SLC20A2: variants seen among roughly 807,000 people sequenced by gnomAD.
The protein encoded by SLC20A2 is sodium-dependent phosphate transporter 2.
Under a neutral mutation model 61.0 loss-of-function variants are expected in SLC20A2, and 30 were observed. The observed-to-expected ratio is 0.49, with a 90% CI of 0.37 to 0.67. SLC20A2 has a LOEUF of 0.67. SLC20A2 is among the 30% of genes least tolerant of loss of function. The probability of loss-of-function intolerance (pLI) is 0.00; values close to 1 mark genes in which losing one functional copy is unlikely to be tolerated. For synonymous variants in SLC20A2, 351 were observed against 353.3 expected (o/e 0.99, Z 0.07); for missense variants, 626 against 866.4 (o/e 0.72, Z 3.48).
intron 1 of SLC20A2, among the ~76,000 whole-genome samples, chr8:42,483,736 A>T (rs1328385518): frequency 6.6e-6 from 1 of 152,262 alleles, no homozygotes; most frequent in Non-Finnish European, 1.5e-5. Flanking sequence ...ATCGCTTAAC[A>T]TATGAAACTT....
At chr8:42,506,176 G>A (rs3935698), upstream of SLC20A2, among the ~76,000 whole-genome samples, 77,084 of 151,830 alleles carry the variant, frequency 0.51, 19,595 homozygotes, top group African/African-American at 0.54. Flanking sequence ...CCTGACCTCA[G>A]GCATCCATCC....
At chr8:42,528,967 T>TATC (rs1276298070) in intron 1 of SLC20A2, among the ~76,000 whole-genome samples, 14 of 20,298 alleles carry the variant, frequency 6.9e-4, no homozygotes, top group African/African-American at 4.2e-3. Flanking sequence ...GAGCCCGGCC[T>TATC]ATTATTATTA....
At chr8:42,459,539 G>A (rs919568054) in intron 5 of SLC20A2, among the ~76,000 whole-genome samples, 3 of 152,184 alleles carry the variant, frequency 2.0e-5, no homozygotes, top group Non-Finnish European at 4.4e-5. Flanking sequence ...GTAGGCCTGT[G>A]GGATTAGATC....
chr8:42,541,353 G>C lies in SLC20A2; in HGVS notation c.-265+468C>G. ...CCGACCAGCCCTGGCCCCCACCCGC[G>C]GGAGCCCGGGAGTCGGGCCGGGGGC... On this transcript the variant is annotated intron_variant, in intron 1 of 10. Coordinates refer to the SLC20A2 transcript ENST00000342228. The C allele has an allele frequency of 1.4e-5, 2 of 146,730 alleles. 1 individual carries two copies. The highest frequency in any genetic ancestry group is 3.0e-5 in the Non-Finnish European group (2 of 66,520). The allele number at this position is 146,730 out of a possible 1,614,324, so 9.1% of individuals were successfully genotyped here.
intron 1 of SLC20A2, among the ~76,000 whole-genome samples, chr8:42,507,151 G>A (rs1810756578): frequency 1.3e-5 from 2 of 152,218 alleles, no homozygotes; most frequent in Non-Finnish European, 2.9e-5. Flanking sequence ...AGAACTGTGA[G>A]GTACAGAAAG....
chr8:42,437,651 G>C lies in SLC20A2; in HGVS notation c.935-74C>G. ...TCTTTTCTTTTTGAGACGGAGCCTT[G>C]CTCTGTCCTCAGGGTGGAGTACAAT... On this transcript the variant is annotated intron_variant, in intron 7 of 10. Coordinates refer to ENST00000520262, the MANE Select transcript of SLC20A2 (RefSeq NM_001257180.2). The surrounding 1 kb of genome is among the most constrained non-coding windows in gnomAD (Gnocchi z 6.4). The C allele has an allele frequency of 7.8e-7, 1 of 1,279,300 alleles. No homozygotes were observed. The highest frequency in any genetic ancestry group is 2.5e-5 in the East Asian group (1 of 39,462). The allele number at this position is 1,279,300 out of a possible 1,614,324, so 79.2% of individuals were successfully genotyped here.
At chr8:42,483,083 C>A (rs11990867) in intron 1 of SLC20A2, among the ~76,000 whole-genome samples, 12 of 144,754 alleles carry the variant, frequency 8.3e-5, no homozygotes, top group Non-Finnish European at 1.5e-4. Context: ...CAGTGGCTCA[C>A]GCCTGTAATC....
chr8:42,431,678 A>T (rs1485723903), intron 8 of SLC20A2, among the ~76,000 whole-genome samples: 2 of 152,234 alleles, frequency 1.3e-5, no homozygotes, highest in Non-Finnish European at 2.9e-5. Flanking sequence ...AAAGCTTCAA[A>T]GGACAGGCTG....
intron 1 of SLC20A2, among the ~76,000 whole-genome samples, chr8:42,526,871 C>T (rs775662305): frequency 4.6e-5 from 7 of 151,714 alleles, no homozygotes; most frequent in African/African-American, 7.3e-5. Flanking sequence ...TGAGGGGTCA[C>T]GGTGGGTGGA....
At position 42,447,663 on chromosome 8, in the gene SLC20A2, C is replaced by A. The variant is rs1029419253; in HGVS notation, c.614-2901G>T. Among the ~76,000 whole-genome samples, 8 of 151,814 alleles carry A rather than the reference C, an allele frequency of 5.3e-5. 1 individual carries two copies. The highest frequency in any genetic ancestry group is 1.7e-4 in the African/African-American group (7 of 41,318). ...CTGCACTCCAGCCTGGGCGACAGAG[C>A]GAGATTCTATCTCAGAAGAAAAAAA... On this transcript the variant is annotated intron_variant, in intron 5 of 10. Transcript: ENST00000520262.
intron 3 of SLC20A2, among the ~76,000 whole-genome samples, chr8:42,465,089 G>A (rs535153865): frequency 2.0e-5 from 3 of 151,976 alleles, no homozygotes; most frequent in East Asian, 3.9e-4. Flanking sequence ...ACAGAGTCTT[G>A]CTTTGTTGCC....
chr8:42,472,422 T>C lies in SLC20A2; in HGVS notation c.-32A>G. 1 of 1,591,082 alleles carries C rather than the reference T, an allele frequency of 6.3e-7. No individual in the cohort carries two copies. The highest frequency in any genetic ancestry group is 8.6e-7 in the Non-Finnish European group (1 of 1,166,260). On this transcript the variant is annotated 5_prime_UTR_variant, in exon 2 of 11. Transcript: ENST00000520262. The surrounding 1 kb of genome is among the most constrained non-coding windows in gnomAD (Gnocchi z 4.1). Reference sequence around the variant, plus strand: ...AAGTGGGTGCCGGGTACTTTTCTTTTGCAGGAATATTTTAAATAAACAAAG... The same window carrying C: ...AAGTGGGTGCCGGGTACTTTTCTTTCGCAGGAATATTTTAAATAAACAAAG...
chr8:42,439,336 T>G, intron 7 of SLC20A2, 114 bp downstream of exon 7: 1 of 952,546 alleles, frequency 1.0e-6, no homozygotes, highest in Admixed American at 2.8e-5. Context: ...ATTATAAAAC[T>G]GGGGGATCCT....
intron 1 of SLC20A2, among the ~76,000 whole-genome samples, chr8:42,533,525 A>T (rs1425344184): frequency 6.6e-6 from 1 of 152,120 alleles, no homozygotes; most frequent in East Asian, 1.9e-4. Context: ...CTGAAGCACG[A>T]GAACTGCTTG....
intron 1 of SLC20A2, among the ~76,000 whole-genome samples, chr8:42,530,765 G>C (rs1242460022): frequency 3.3e-5 from 5 of 152,156 alleles, no homozygotes; most frequent in African/African-American, 1.2e-4. Context: ...ACCCAGGCTG[G>C]AGTGCAGTGG....
chr8:42,489,954 C>G (rs1809389219), intron 1 of SLC20A2, among the ~76,000 whole-genome samples: 1 of 152,084 alleles, frequency 6.6e-6, no homozygotes, highest in African/African-American at 2.4e-5. Context: ...TACAAACTCA[C>G]AAAACTGTAC....
intron 1 of SLC20A2, among the ~76,000 whole-genome samples, chr8:42,491,490 G>A (rs1809507524): frequency 6.6e-6 from 1 of 150,612 alleles, no homozygotes; most frequent in African/African-American, 2.4e-5. Flanking sequence ...GGGCAACAGA[G>A]TGAGACTTCG....
chr8:42,487,055 C>T lies in SLC20A2; in HGVS notation c.-265+13976G>A, dbSNP rs145733735. ...CTAATTTTTGTATTTTTTAGAAGCA[C>T]GGTTTCACTATGTTGGCCAGGCTGG... On this transcript the variant is annotated intron_variant, in intron 1 of 10. Transcript: ENST00000520262. Among the ~76,000 whole-genome samples, 24 of 151,590 alleles carry T rather than the reference C, an allele frequency of 1.6e-4. No homozygotes were observed. In the East Asian group the frequency reaches 3.1e-3, roughly 20 times the overall value.
chr8:42,532,745 A>AT (rs1246401712), intron 1 of SLC20A2, among the ~76,000 whole-genome samples: 1 of 152,228 alleles, frequency 6.6e-6, no homozygotes, highest in Non-Finnish European at 1.5e-5. Context: ...CCAGAGCTAG[A>AT]TAAGACACAC....
Sources: allele counts gnomAD v4.1 joint callset (sites outside exome capture counted in the v4.1 genomes callset), GRCh38; gene constraint gnomAD v4.1.1; non-coding constraint Gnocchi (gnomAD v3.1); transcripts MANE v1.5; gene names NCBI Gene and HGNC (gene_info 2026-07-23, HGNC 2026-07-21).